The following GLRX2 variants were observed in gnomAD, a reference collection of about 807,000 sequenced individuals.
The protein encoded by GLRX2 is glutaredoxin 2, also known as bA101E13.1 (GRX2 glutaredoxin (thioltransferase) 2).
In GLRX2, 12 loss-of-function variants were observed where a neutral mutation model predicts 16.4. The observed-to-expected ratio is 0.73, with a 90% CI of 0.47 to 1.19. The LOEUF is 1.19. Ranked by LOEUF, GLRX2 falls within the 50% of genes most tolerant of loss-of-function variation. The probability of loss-of-function intolerance (pLI) is 0.00; values close to 1 mark genes in which losing one functional copy is unlikely to be tolerated. For synonymous variants in GLRX2, 95 were observed against 76.2 expected (o/e 1.25, Z -1.28); for missense variants, 201 against 201.8 (o/e 1.00, Z 0.02).
chr1:193,105,750 A>G, upstream of GLRX2: 2 of 1,404,042 alleles, frequency 1.4e-6, no homozygotes, highest in East Asian at 5.5e-5. Context: ...ACGGAGGAGA[A>G]AAAACATGAC....
rs747872420 is a variant in GLRX2, at chr1:193,105,368, G to A, written c.15C>T (p.Arg5=). 29 of 1,546,010 alleles carry A rather than the reference G, an allele frequency of 1.9e-5. No individual in the cohort carries two copies. The highest frequency in any genetic ancestry group is 7.4e-5 in the Admixed American group (4 of 54,354). ...CCAGCCGCGTCCCCGCCAGCGCCGC[G>A]CGGCGCCAAATCATGGTCAGAGCCC... MIWR[R]AALAGTRLVW... is the part of the protein sequence containing the mutation. Residue 5 remains arginine (R), a synonymous_variant, in exon 1 of 4, where the codon CGC becomes CGT. Coordinates refer to ENST00000367439, the MANE Select transcript of GLRX2 (RefSeq NM_197962.3).
chr1:193,102,111 G>T (rs973054423), intron 1 of GLRX2, among the ~76,000 whole-genome samples: 1 of 151,990 alleles, frequency 6.6e-6, no homozygotes, highest in Non-Finnish European at 1.5e-5. Context: ...TTTCAAAAGA[G>T]AATTACTCGA....
chr1:193,105,636 C>T, upstream of GLRX2: 11 of 1,596,790 alleles, frequency 6.9e-6, no homozygotes, highest in Non-Finnish European at 9.4e-6. Flanking sequence ...CTCGAGGGTT[C>T]ATCCGAGCCC....
At chr1:193,105,502 G>A, upstream of GLRX2, 1 of 1,497,784 alleles carries the variant, frequency 6.7e-7, no homozygotes, top group East Asian at 2.7e-5. Flanking sequence ...GACTGCCCGC[G>A]CCGCCGCCGG....
At chr1:193,096,933 C>T (rs996047897) in intron 3 of GLRX2, among the ~76,000 whole-genome samples, 174 bp from the exon 4 acceptor site, 3 of 152,098 alleles carry the variant, frequency 2.0e-5, no homozygotes, top group African/African-American at 7.2e-5. Flanking sequence ...TTATTTTTAG[C>T]CCTGTTTTGG....
chr1:193,103,056 T>TAAG (rs749676434), intron 1 of GLRX2, among the ~76,000 whole-genome samples: 2 of 151,716 alleles, frequency 1.3e-5, no homozygotes, highest in Non-Finnish European at 2.9e-5. Flanking sequence ...CCGTCTTAAA[T>TAAG]AATAATAATA....
intron 1 of GLRX2, among the ~76,000 whole-genome samples, chr1:193,102,646 C>A (rs560827425): frequency 6.6e-6 from 1 of 152,268 alleles, no homozygotes; most frequent in East Asian, 1.9e-4. Context: ...AGCCACCGCG[C>A]CTGGCCTGAA....
At chr1:193,099,481 C>T (rs1397799345) in intron 2 of GLRX2, among the ~76,000 whole-genome samples, 1 of 152,154 alleles carries the variant, frequency 6.6e-6, no homozygotes, top group Non-Finnish European at 1.5e-5. Context: ...TCTGGGACTA[C>T]AGACATGTGT....
chr1:193,104,931 G>A (rs1262373746), intron 1 of GLRX2, among the ~76,000 whole-genome samples: 1 of 152,266 alleles, frequency 6.6e-6, no homozygotes, highest in Non-Finnish European at 1.5e-5. Context: ...GGACACACTT[G>A]GACTAAGAAT....
chr1:193,099,143 A>AT (rs1675022343), intron 2 of GLRX2, among the ~76,000 whole-genome samples: 1 of 152,218 alleles, frequency 6.6e-6, no homozygotes, highest in African/African-American at 2.4e-5. Context: ...ACCTCTCCAT[A>AT]TAATGATGAT....
Position 193,097,866 on chromosome 1 carries a change from G to A in GLRX2, c.184-106C>T, listed in dbSNP as rs1572124962. 1.2e-5 allele frequency: 8 copies of A among 646,414 alleles called. No homozygotes were observed. The East Asian group carries it at 2.2e-4, about 18-fold the overall frequency. The allele number at this position is 646,414 out of a possible 1,614,324, so 40.0% of individuals were successfully genotyped here. On this transcript the variant is annotated intron_variant, in intron 2 of 3. Transcript: ENST00000367439. Reference sequence around the variant, plus strand: ...GGATTTTGGTCTCTCATGATTCTGGGCTCAAACTAAGCATCATCTATTTTT... The same window carrying A: ...GGATTTTGGTCTCTCATGATTCTGGACTCAAACTAAGCATCATCTATTTTT...
At chr1:193,105,690 C>T (rs1331683783), upstream of GLRX2, 2 of 1,547,846 alleles carry the variant, frequency 1.3e-6, no homozygotes, top group African/African-American at 2.8e-5. Flanking sequence ...ATAAAGGCTC[C>T]CAGGCACTTG....
At chr1:193,100,463 G>A (rs1445243602) in intron 2 of GLRX2, among the ~76,000 whole-genome samples, 2 of 152,196 alleles carry the variant, frequency 1.3e-5, no homozygotes, top group African/African-American at 2.4e-5. Context: ...AACAGAGCGA[G>A]ACGCTGCCTC....
At chr1:193,106,002 T>G, upstream of GLRX2, 1 of 875,892 alleles carries the variant, frequency 1.1e-6, no homozygotes, top group Non-Finnish European at 1.4e-6. Flanking sequence ...AAAAAAAAAT[T>G]AGGAAACAAA....
At position 193,105,411 on chromosome 1, in the gene GLRX2, T is replaced by G. The variant is rs1675175022; in HGVS notation, c.-29A>C. On this transcript the variant is annotated 5_prime_UTR_variant, in exon 1 of 4. Transcript: ENST00000367439. ...CAGAGCCCGGATCTGCAGCGAGCTCTACTGCCGGACACCGCGGATCCCGGG... is the reference window on the plus strand; with the variant it reads ...CAGAGCCCGGATCTGCAGCGAGCTCGACTGCCGGACACCGCGGATCCCGGG... The G allele has an allele frequency of 2.0e-6, 3 of 1,504,010 alleles. No homozygotes were observed. The highest frequency in any genetic ancestry group is 2.6e-6 in the Non-Finnish European group (3 of 1,136,200). 93.2% of individuals were successfully genotyped at this position (1,504,010 alleles called of 1,614,324 possible). A position where few individuals can be genotyped will look rare whatever the true frequency, so the allele number is the denominator to read the frequency against.
intron 2 of GLRX2, among the ~76,000 whole-genome samples, chr1:193,098,087 C>T (rs1020932280): frequency 1.3e-5 from 2 of 152,124 alleles, no homozygotes; most frequent in Non-Finnish European, 2.9e-5. Context: ...TCACTACAAT[C>T]CTGAGGTAGG....
intron 1 of GLRX2, 106 bp downstream of exon 1, chr1:193,105,158 G>A: frequency 7.1e-7 from 1 of 1,407,210 alleles, no homozygotes; most frequent in African/African-American, 1.5e-5. Context: ...AGTACGCCTC[G>A]CCCACCCGGC....
At chr1:193,101,534 T>C (rs575331101) in intron 1 of GLRX2, among the ~76,000 whole-genome samples, 1 of 152,298 alleles carries the variant, frequency 6.6e-6, no homozygotes, top group South Asian at 2.1e-4. Flanking sequence ...TGACCATTGG[T>C]TTAAAAATAT....
Position 193,100,346 on chromosome 1 carries a change from C to T in GLRX2, c.183+795G>A, listed in dbSNP as rs150839250. Among the ~76,000 whole-genome samples, 470 of 152,074 alleles carry T rather than the reference C, an allele frequency of 3.1e-3. 2 individuals are homozygous for T. The highest frequency in any genetic ancestry group is 4.5e-3 in the Non-Finnish European group (309 of 67,986). On this transcript the variant is annotated intron_variant, in intron 2 of 3. Coordinates refer to ENST00000367439, the MANE Select transcript of GLRX2 (RefSeq NM_197962.3). ...AAAATAAGTTGTGTGTGGTGGTGGA[C>T]GCCTGTAATCCCAGCTACTAGGGAG...
Sources: allele counts gnomAD v4.1 joint callset (sites outside exome capture counted in the v4.1 genomes callset), GRCh38; gene constraint gnomAD v4.1.1; transcripts MANE v1.5; gene names NCBI Gene and HGNC (gene_info 2026-07-23, HGNC 2026-07-21).